SLC8A1: variants seen among roughly 807,000 people sequenced by gnomAD.
SLC8A1 encodes the protein solute carrier family 8 member A1, also known as sodium/calcium exchanger 1.
SLC8A1 carries 18 observed loss-of-function variants against 68.3 expected under a neutral mutation model. The observed-to-expected ratio is 0.26, with a 90% CI of 0.18 to 0.39. The LOEUF (loss-of-function observed/expected upper bound fraction) is 0.39. SLC8A1 is among the 10% of genes least tolerant of loss of function. The pLI is 1.00. For synonymous variants in SLC8A1, 475 were observed against 415.5 expected (o/e 1.14, Z -1.74); for missense variants, 985 against 1,156.7 (o/e 0.85, Z 2.15).
At chr2:40,251,847 A>G (rs1395298481) in intron 2 of SLC8A1, 3 of 152,142 alleles carry the variant, frequency 2.0e-5, no homozygotes, top group African/African-American at 7.2e-5. Flanking sequence ...TACAAATGCA[A>G]TTATTTCTCC....
At chr2:40,481,063 G>A (rs1704595532) in intron 1 of SLC8A1, among the ~76,000 whole-genome samples, 1 of 152,176 alleles carries the variant, frequency 6.6e-6, no homozygotes, top group African/African-American at 2.4e-5. Context: ...GAAAAACAGG[G>A]CATCAGTCGC....
intron 2 of SLC8A1, among the ~76,000 whole-genome samples, chr2:40,193,369 A>C (rs1438155579): frequency 6.6e-6 from 1 of 152,136 alleles, no homozygotes; most frequent in Non-Finnish European, 1.5e-5. Flanking sequence ...TGGGGATAAA[A>C]AGAGGAGTAC....
chr2:40,175,528 G>A lies in SLC8A1; in HGVS notation c.1913-686C>T, dbSNP rs143460294. Among the ~76,000 whole-genome samples, 79 of 150,060 alleles carry A rather than the reference G, an allele frequency of 5.3e-4. No homozygotes were observed. The East Asian group carries it at 0.014, about 27-fold the overall frequency. On this transcript the variant is annotated intron_variant, in intron 3 of 7. Coordinates refer to ENST00000406785, the Ensembl canonical transcript of SLC8A1. ...TATATGTGTGTGTGTGTGTGTATAT[G>A]TATTTCACCTTATATATAATTTCTT... is the stretch of plus-strand genomic sequence containing the variant.
intron 7 of SLC8A1, among the ~76,000 whole-genome samples, chr2:40,121,108 G>C (rs1415355311): frequency 6.6e-6 from 1 of 152,116 alleles, no homozygotes; most frequent in Non-Finnish European, 1.5e-5. Flanking sequence ...ATGTCGAAGG[G>C]GCTTTACTGG....
intron 2 of SLC8A1, among the ~76,000 whole-genome samples, chr2:40,359,765 G>C (rs142469408): frequency 1.4e-3 from 210 of 152,220 alleles, no homozygotes; most frequent in African/African-American, 4.8e-3. Context: ...TCCTATAATA[G>C]AGGCATGGAT....
At chr2:40,379,560 C>A (rs1450573496) in intron 2 of SLC8A1, among the ~76,000 whole-genome samples, 1 of 152,044 alleles carries the variant, frequency 6.6e-6, no homozygotes, top group Non-Finnish European at 1.5e-5. Context: ...CGCCCCCTTG[C>A]CTGTCCTTAG....
intron 2 of SLC8A1, chr2:40,220,352 G>A (rs931007356): frequency 6.6e-6 from 1 of 152,124 alleles, no homozygotes; most frequent in Admixed American, 6.5e-5. Flanking sequence ...CTTGTGCAAG[G>A]GAAGAACAGC....
intron 6 of SLC8A1, among the ~76,000 whole-genome samples, chr2:40,140,417 C>T (rs959445223): frequency 2.0e-5 from 3 of 152,186 alleles, no homozygotes; most frequent in Non-Finnish European, 4.4e-5. Context: ...GACCTCCCCC[C>T]AAACCCATGC....
At chr2:40,148,139 CCTT>C (rs1235847167) in intron 6 of SLC8A1, among the ~76,000 whole-genome samples, 3 of 152,164 alleles carry the variant, frequency 2.0e-5, no homozygotes, top group Non-Finnish European at 2.9e-5. Context: ...TGTCTCTCCT[CCTT>C]AAATTAACTC....
In SLC8A1 at chr2:40,131,341, C is replaced by T. The variant is rs1411603057; in HGVS notation, c.2437+8060G>A. The stretch of plus-strand genomic sequence containing the variant: ...ACTTCTCTGAGACAGAGGCTGTTAA[C>T]TGTCAATCTATCTGTGAGCTTTGCA... On this transcript the variant is annotated intron_variant, in intron 7 of 7. Coordinates refer to ENST00000406785, the Ensembl canonical transcript of SLC8A1. 3.9e-5 allele frequency among the ~76,000 whole-genome samples: 6 copies of T among 152,328 alleles called. No individual in the cohort carries two copies. In the South Asian group the frequency reaches 1.2e-3, roughly 32 times the overall value.
At chr2:40,325,825 G>T (rs987984316) in intron 2 of SLC8A1, among the ~76,000 whole-genome samples, 11 of 150,678 alleles carry the variant, frequency 7.3e-5, no homozygotes, top group Non-Finnish European at 1.6e-4. Flanking sequence ...GTGGTGGCAG[G>T]TGCCTGTAGT....
At chr2:40,217,577 GGCTTCCTAAT>G (rs1376925737) in intron 2 of SLC8A1, among the ~76,000 whole-genome samples, 1 of 152,054 alleles carries the variant, frequency 6.6e-6, no homozygotes, top group Non-Finnish European at 1.5e-5. Flanking sequence ...TCTTTTGGGA[GGCTTCCTAAT>G]GCTGCTTTTG....
chr2:40,496,710 A>G (rs1705723848), intron 1 of SLC8A1, among the ~76,000 whole-genome samples: 1 of 151,926 alleles, frequency 6.6e-6, no homozygotes, highest in Admixed American at 6.6e-5. Context: ...TAGACTGCAT[A>G]TTTTGCAGTT....
At chr2:40,432,457 A>T (rs868030235) in intron 1 of SLC8A1, among the ~76,000 whole-genome samples, 2 of 135,956 alleles carry the variant, frequency 1.5e-5, no homozygotes, top group Middle Eastern at 3.6e-3. Context: ...GGGATGCATG[A>T]TTTCATACTA....
At chr2:40,170,942 A>C (rs1406152747) in intron 4 of SLC8A1, among the ~76,000 whole-genome samples, 2 of 152,188 alleles carry the variant, frequency 1.3e-5, no homozygotes, top group African/African-American at 4.8e-5. Flanking sequence ...TAGGTTTTGC[A>C]GAGGTAGGCC....
intron 2 of SLC8A1, among the ~76,000 whole-genome samples, chr2:40,264,462 A>G (rs2065100497): frequency 1.3e-5 from 2 of 152,156 alleles, no homozygotes; most frequent in African/African-American, 4.8e-5. Context: ...AATGTCCAAC[A>G]ATGATAGACT....
At chr2:40,259,011 G>A (rs910454042) in intron 2 of SLC8A1, among the ~76,000 whole-genome samples, 5 of 25,506 alleles carry the variant, frequency 2.0e-4, no homozygotes, top group African/African-American at 4.9e-4. Flanking sequence ...ACTATAAATT[G>A]TGAGACATAA....
In SLC8A1 at chr2:40,473,484, A is replaced by G. The variant is rs1460687670; in HGVS notation, c.-25+38865T>C. On this transcript the variant is annotated intron_variant, in intron 1 of 7. Coordinates refer to the SLC8A1 transcript ENST00000402441. ...ACAGTTTCTGACATACATAATGTTA[A>G]CTTATTTATTATTAATCTGCTTTTT... 2.0e-5 allele frequency among the ~76,000 whole-genome samples: 3 copies of G among 152,164 alleles called. No homozygotes were observed. In the South Asian group the frequency reaches 6.2e-4, roughly 31 times the overall value.
intron 2 of SLC8A1, chr2:40,189,932 T>C (rs2051444884): frequency 6.6e-6 from 1 of 152,160 alleles, no homozygotes; most frequent in African/African-American, 2.4e-5. Flanking sequence ...ATGGAAGTTC[T>C]TGTCTGAATT....
Sources: allele counts gnomAD v4.1 joint callset (sites outside exome capture counted in the v4.1 genomes callset), GRCh38; gene constraint gnomAD v4.1.1; transcripts MANE v1.5; gene names NCBI Gene and HGNC (gene_info 2026-07-23, HGNC 2026-07-21).